The following PEBP4 variants were observed in gnomAD, a reference collection of about 807,000 sequenced individuals.
The protein encoded by PEBP4 is phosphatidylethanolamine binding protein 4.
Under a neutral mutation model 23.9 loss-of-function variants are expected in PEBP4, and 22 were observed. That is an observed-to-expected ratio of 0.92 (90% CI 0.66 to 1.31). The LOEUF is 1.31. PEBP4 is among the 40% of genes most tolerant of loss of function. The probability of loss-of-function intolerance (pLI) is 0.00; values close to 1 mark genes in which losing one functional copy is unlikely to be tolerated. For missense variants in PEBP4, 324 were observed against 281.7 expected (o/e 1.15, Z -1.07); for synonymous variants, 112 against 99.3 (o/e 1.13, Z -0.76).
intron 4 of PEBP4, among the ~76,000 whole-genome samples, chr8:22,729,392 G>T (rs1804685451): frequency 6.6e-6 from 1 of 152,272 alleles, no homozygotes; most frequent in Admixed American, 6.5e-5. Flanking sequence ...TAAGCTGGCT[G>T]TTTCTTTTCA....
intron 4 of PEBP4, among the ~76,000 whole-genome samples, chr8:22,744,952 C>A (rs370298452): frequency 6.6e-6 from 1 of 152,154 alleles, no homozygotes; most frequent in African/African-American, 2.4e-5. Context: ...GAGTTCCAAT[C>A]GGCAGCAGAT....
chr8:22,739,053 G>A (rs1419696750), intron 4 of PEBP4, among the ~76,000 whole-genome samples: 1 of 152,168 alleles, frequency 6.6e-6, no homozygotes, highest in African/African-American at 2.4e-5. Flanking sequence ...CTGGCAGGGG[G>A]CCAGGACAAA....
upstream of PEBP4, among the ~76,000 whole-genome samples, chr8:22,929,031 A>G (rs558792792): frequency 1.4e-4 from 21 of 152,292 alleles, no homozygotes; most frequent in Non-Finnish European, 2.2e-4. Flanking sequence ...CCTTGCCCCA[A>G]CCAGAAAACA....
intron 5 of PEBP4, among the ~76,000 whole-genome samples, chr8:22,726,861 C>A (rs1218329279): frequency 6.9e-6 from 1 of 144,026 alleles, no homozygotes; most frequent in African/African-American, 2.6e-5. Context: ...GAGAGGGGAG[C>A]TGGGGGAAGG....
intron 3 of PEBP4, among the ~76,000 whole-genome samples, chr8:22,868,106 T>TCC (rs1377252557): frequency 6.6e-6 from 1 of 151,936 alleles, no homozygotes; most frequent in Non-Finnish European, 1.5e-5. Context: ...GGGGGTTGGG[T>TCC]CCCCCTCTGT....
rs200426960 is a variant in PEBP4, at chr8:22,822,586, T to TA, written c.259-4852dup. Among the ~76,000 whole-genome samples the TA allele has an allele frequency of 8.1e-3, 1,231 of 152,186 alleles. 17 individuals carry two copies. The highest frequency in any genetic ancestry group is 0.028 in the African/African-American group (1,160 of 41,546). ...ACATGATTGTCTACATGAGAAATTT[T>TA]AAAAAATCAACTGGAAACAAAAGTA... On this transcript the variant is annotated intron_variant, in intron 3 of 6. Transcript: ENST00000256404.
At chr8:22,920,560 T>C (rs544122436) in intron 2 of PEBP4, among the ~76,000 whole-genome samples, 9 of 152,268 alleles carry the variant, frequency 5.9e-5, no homozygotes, top group South Asian at 2.1e-4. Flanking sequence ...CGGTCAATGG[T>C]CAGAACAGAA....
intron 4 of PEBP4, among the ~76,000 whole-genome samples, chr8:22,761,412 C>T (rs569151195): frequency 3.2e-4 from 49 of 152,202 alleles, no homozygotes; most frequent in Middle Eastern, 3.4e-3. Context: ...GCGGGGAAGG[C>T]GGAGAGAGCG....
At chr8:22,767,081 G>T (rs538987030) in intron 4 of PEBP4, among the ~76,000 whole-genome samples, 1 of 152,192 alleles carries the variant, frequency 6.6e-6, no homozygotes, top group African/African-American at 2.4e-5. Flanking sequence ...GGGGTGTTCC[G>T]GATCTAACAG....
rs575260594 is a variant in PEBP4 at position 22,727,278 on chromosome 8, T to G, written c.358-58A>C. On this transcript the variant is annotated intron_variant, in intron 4 of 6. Coordinates refer to ENST00000256404, the MANE Select transcript of PEBP4 (RefSeq NM_144962.3). The stretch of plus-strand genomic sequence containing the variant: ...TGTCTTGGGCACACTTCAGGCCACG[T>G]GGGCTCTGCGGGATTGCTTCTCTCT... 80 of 1,565,318 alleles carry G rather than the reference T, an allele frequency of 5.1e-5. No individual in the cohort carries two copies. The African/African-American group carries it at 1.1e-3, about 21-fold the overall frequency.
At chr8:22,921,457 G>A (rs1809198122) in intron 2 of PEBP4, among the ~76,000 whole-genome samples, 1 of 152,222 alleles carries the variant, frequency 6.6e-6, no homozygotes, top group African/African-American at 2.4e-5. Flanking sequence ...CCTGAACCTG[G>A]GGCCTGGGAG....
intron 3 of PEBP4, among the ~76,000 whole-genome samples, chr8:22,875,905 A>C (rs1808110642): frequency 6.6e-6 from 1 of 151,956 alleles, no homozygotes; most frequent in Non-Finnish European, 1.5e-5. Flanking sequence ...TTCTGCTCAG[A>C]TGTCACCTGT....
At chr8:22,726,652 G>C (rs1167874676) in intron 5 of PEBP4, among the ~76,000 whole-genome samples, 2 of 152,248 alleles carry the variant, frequency 1.3e-5, no homozygotes, top group African/African-American at 4.8e-5. Context: ...ATTTCCTGGA[G>C]GCTTGAGAGG....
chr8:22,893,467 C>T (rs894725511), intron 3 of PEBP4, among the ~76,000 whole-genome samples: 1 of 152,080 alleles, frequency 6.6e-6, no homozygotes, highest in Non-Finnish European at 1.5e-5. Flanking sequence ...AAAAAACAAT[C>T]AATTGAAATA....
chr8:22,835,354 A>G (rs1807179853), intron 3 of PEBP4, among the ~76,000 whole-genome samples: 1 of 152,206 alleles, frequency 6.6e-6, no homozygotes, highest in South Asian at 2.1e-4. Context: ...CTGGAGCAGC[A>G]GTGACCTTGA....
chr8:22,825,941 CA>C (rs1277511540), intron 3 of PEBP4, among the ~76,000 whole-genome samples: 1 of 152,154 alleles, frequency 6.6e-6, no homozygotes, highest in African/African-American at 2.4e-5. Flanking sequence ...CACCAAAGGA[CA>C]AATATTGTGT....
chr8:22,828,111 G>A (rs1293507189), intron 3 of PEBP4, among the ~76,000 whole-genome samples: 2 of 152,114 alleles, frequency 1.3e-5, no homozygotes, highest in African/African-American at 4.8e-5. Flanking sequence ...AATTGTAATA[G>A]GTGTGTCCCA....
intron 3 of PEBP4, among the ~76,000 whole-genome samples, chr8:22,882,884 T>C (rs1481126016): frequency 6.6e-6 from 1 of 152,124 alleles, no homozygotes; most frequent in East Asian, 1.9e-4. Flanking sequence ...CCTATTGAAA[T>C]GATTCATACT....
chr8:22,790,385 G>A (rs941884345), intron 4 of PEBP4, among the ~76,000 whole-genome samples: 61 of 152,172 alleles, frequency 4.0e-4, no homozygotes, highest in Admixed American at 3.8e-3. Flanking sequence ...AAGGGATGAC[G>A]AGGGCCCTGA....
Sources: allele counts gnomAD v4.1 joint callset (sites outside exome capture counted in the v4.1 genomes callset), GRCh38; gene constraint gnomAD v4.1.1; transcripts MANE v1.5; gene names NCBI Gene and HGNC (gene_info 2026-07-23, HGNC 2026-07-21).